FOXN1: variants seen among roughly 807,000 people sequenced by gnomAD.
The protein encoded by FOXN1 is forkhead box protein N1.
A neutral mutation model predicts 49.0 loss-of-function variants in FOXN1; 15 were observed. The observed-to-expected ratio is 0.31, with a 90% confidence interval of 0.20 to 0.47. The LOEUF is 0.47. Among genes scored for constraint, FOXN1 ranks in the 20% least tolerant of loss-of-function variants. FOXN1 has a pLI of 1.00. For missense variants in FOXN1, 800 were observed against 842.8 expected, an observed-to-expected ratio of 0.95 and a Z score of 0.63; for synonymous variants, 356 against 369.0, an observed-to-expected ratio of 0.96 and a Z score of 0.40.
At chr17:28,532,190 C>T (rs988588527) in intron 6 of FOXN1, among the ~76,000 whole-genome samples, 1 of 152,166 alleles carries the variant, frequency 6.6e-6, no homozygotes, top group Non-Finnish European at 1.5e-5. Flanking sequence ...CGCATCTCAT[C>T]TTCCTGGCTT....
In FOXN1 at chr17:28,530,720, G is replaced by T. The variant is rs118009648; in HGVS notation, c.831-29G>T. 35,307 of 1,336,386 alleles carry T rather than the reference G, an allele frequency of 0.026. 582 individuals are homozygous for T. The highest frequency in any genetic ancestry group is 0.034 in the Middle Eastern group (181 of 5,392). 82.8% of individuals were successfully genotyped at this position (1,336,386 alleles called of 1,614,324 possible). ...GGGCTCAGGACCCAGTCAGAGGTTCGGACTCTCAGGGGCTTTCTCTTTCTT... is the reference window on the plus strand; with the variant it reads ...GGGCTCAGGACCCAGTCAGAGGTTCTGACTCTCAGGGGCTTTCTCTTTCTT... On this transcript the variant is annotated intron_variant, in intron 5 of 8. Transcript: ENST00000579795.
At chr17:28,522,229 A>G (rs1054648346) in intron 1 of FOXN1, among the ~76,000 whole-genome samples, 6 of 152,236 alleles carry the variant, frequency 3.9e-5, no homozygotes, top group African/African-American at 1.2e-4. Flanking sequence ...TTGTTCACAC[A>G]GTGGCCAGCC....
At position 28,538,607 on chromosome 17, in the gene FOXN1, C is replaced by T. The variant is rs1305011800; in HGVS notation, c.*1171C>T. On this transcript the variant is annotated 3_prime_UTR_variant, in exon 9 of 9. Transcript: ENST00000579795. ...CAACCTGGGCATTCAGGAGAAAAGC[C>T]TGGCACAGGGTGACAGGGAAGCACC... is the stretch of plus-strand genomic sequence containing the variant. 1 of 152,220 alleles carries T rather than the reference C, an allele frequency of 6.6e-6. No homozygotes were observed. Among genetic ancestry groups the T allele is most frequent in the Admixed American group, 6.5e-5 (1 of 15,286 alleles). 9.4% of individuals were successfully genotyped at this position (152,220 alleles called of 1,614,324 possible).
intron 3 of FOXN1, among the ~76,000 whole-genome samples, chr17:28,525,666 C>T (rs1007850800): frequency 5.3e-5 from 8 of 152,260 alleles, no homozygotes; most frequent in Admixed American, 1.3e-4. Flanking sequence ...GTCCCTGAGG[C>T]AGTGACTGAG....
Position 28,535,345 on chromosome 17 carries a change from G to A in FOXN1, c.1627+147G>A, listed in dbSNP as rs537641290. 1.5e-5 allele frequency: 12 copies of A among 819,962 alleles called. No homozygotes were observed. In the East Asian group the frequency reaches 2.9e-4, roughly 20 times the overall value. The allele number at this position is 819,962 out of a possible 1,614,324, so 50.8% of individuals were successfully genotyped here. A position where few individuals can be genotyped will look rare whatever the true frequency, so the allele number is the denominator to read the frequency against. On this transcript the variant is annotated intron_variant, in intron 8 of 8. Coordinates refer to ENST00000579795, the MANE Select transcript of FOXN1 (RefSeq NM_001369369.1). The stretch of plus-strand genomic sequence containing the variant: ...AAGCAGAGGAGGCTGGACCTGGCAG[G>A]GGGAGCTTCCCACTTGCTCTCTGCC...
rs779732404 is a variant in FOXN1 at position 28,529,180 on chromosome 17, C to A, written c.786C>A (p.Thr262=). ...QYQRMAPQAS[T]DGHQPLFPKP... ...AGCGAATGGCACCCCAGGCCAGCAC[C>A]GATGGGCACCAGCCTCTCTTCCCAA... The change falls in exon 5 of 9, where the codon ACC becomes ACA. Residue 262 remains threonine (T), a synonymous_variant. Transcript: ENST00000579795. The A allele has an allele frequency of 6.2e-7, 1 of 1,614,040 alleles. No individual in the cohort carries two copies. The highest frequency in any genetic ancestry group is 8.5e-7 in the Non-Finnish European group (1 of 1,180,012).
rs983450474 is a variant in FOXN1 at position 28,534,821 on chromosome 17, C to T, written c.1250C>T (p.Ala417Val). The part of the protein sequence containing the change: ...SGPIRPLAPP[A>V]GLSPPLHSLH... ...CCCATCCGGCCCCTGGCACCCCCAGCTGGCCTCTCCCCACCACTGCACTCA... is the reference window on the plus strand; with the variant it reads ...CCCATCCGGCCCCTGGCACCCCCAGTTGGCCTCTCCCCACCACTGCACTCA... Residue 417 changes from alanine to valine, a missense_variant, in exon 8 of 9, where the codon GCT (alanine) becomes GTT (valine). Coordinates refer to ENST00000579795, the MANE Select transcript of FOXN1 (RefSeq NM_001369369.1). This position sits in a 1 kb window ranked among gnomAD's most constrained non-coding sequence, Gnocchi z 4.1. The T allele has an allele frequency of 6.2e-7, 1 of 1,613,940 alleles. No individual in the cohort carries two copies. Among genetic ancestry groups the T allele is most frequent in the Non-Finnish European group, 8.5e-7 (1 of 1,179,862 alleles).
At chr17:28,513,404 AAC>A (rs1289356283) in intron 1 of FOXN1, among the ~76,000 whole-genome samples, 1 of 152,234 alleles carries the variant, frequency 6.6e-6, no homozygotes, top group Non-Finnish European at 1.5e-5. Context: ...AAAAAAATAA[AAC>A]ATTCATCTAT....
intron 1 of FOXN1, among the ~76,000 whole-genome samples, chr17:28,517,064 C>T (rs1406788200): frequency 1.7e-5 from 1 of 59,428 alleles, no homozygotes; most frequent in Admixed American, 1.4e-4. Context: ...ACAGGATCCA[C>T]ACCTCCACAG....
intron 5 of FOXN1, 34 bp from the exon 6 acceptor site, chr17:28,530,715 G>T (rs752571655): frequency 1.6e-6 from 2 of 1,254,476 alleles, no homozygotes; most frequent in Non-Finnish European, 1.2e-6. Context: ...CCCAGTCAGA[G>T]GTTCGGACTC....
intron 6 of FOXN1, among the ~76,000 whole-genome samples, chr17:28,533,587 C>T (rs2069972861): frequency 1.3e-5 from 2 of 151,702 alleles, no homozygotes; most frequent in Non-Finnish European, 2.9e-5. Flanking sequence ...CATGGCTACC[C>T]ACAGTCACAC....
rs768979426 is a variant in FOXN1, at chr17:28,537,158, G to A, written c.1669G>A (p.Asp557Asn). ...EQLKDDSLAL[D>N]PLVLVTSSPT... Reference sequence around the variant, plus strand: ...GTTGAAGGATGATAGCTTGGCCCTCGACCCCCTGGTACTGGTGACCTCATC... The same window carrying A: ...GTTGAAGGATGATAGCTTGGCCCTCAACCCCCTGGTACTGGTGACCTCATC... Residue 557 changes from aspartate (D) to asparagine (N), a missense_variant, in exon 9 of 9, where the codon GAC (aspartate) becomes AAC (asparagine). Coordinates refer to ENST00000579795, the MANE Select transcript of FOXN1 (RefSeq NM_001369369.1). The A allele has an allele frequency of 1.7e-5, 28 of 1,613,892 alleles. No homozygotes were observed. Among genetic ancestry groups the A allele is most frequent in the Middle Eastern group, 1.6e-4 (1 of 6,082 alleles).
chr17:28,507,818 G>A (rs149564760), intron 1 of FOXN1, among the ~76,000 whole-genome samples: 2 of 152,310 alleles, frequency 1.3e-5, no homozygotes, highest in East Asian at 3.9e-4. Flanking sequence ...CACCCCGAGT[G>A]GATGGGGGAA....
intron 1 of FOXN1, among the ~76,000 whole-genome samples, chr17:28,516,612 C>T (rs545707568): frequency 5.7e-4 from 86 of 150,218 alleles, no homozygotes; most frequent in Non-Finnish European, 7.3e-4. Context: ...TACACACCTC[C>T]GCAGGATCCA....
intron 4 of FOXN1, among the ~76,000 whole-genome samples, chr17:28,527,954 G>A (rs901320753): frequency 9.9e-5 from 15 of 152,228 alleles, no homozygotes; most frequent in African/African-American, 3.6e-4. Flanking sequence ...GGCATGGGAT[G>A]GAGGAGTTTT....
intron 6 of FOXN1, among the ~76,000 whole-genome samples, chr17:28,531,113 A>G (rs2069902654): frequency 1.3e-5 from 2 of 152,220 alleles, no homozygotes; most frequent in Non-Finnish European, 2.9e-5. Flanking sequence ...AAGGTGGGCA[A>G]GGTAGCACCG....
intron 3 of FOXN1, among the ~76,000 whole-genome samples, chr17:28,525,330 G>T (rs1489568920): frequency 6.6e-6 from 1 of 152,218 alleles, no homozygotes; most frequent in Middle Eastern, 3.2e-3. Flanking sequence ...AAGGGAAAGG[G>T]TTTGGGGAGG....
rs896876428 is a variant in FOXN1, at chr17:28,508,332, G to A, written c.-15+1889G>A. Among the ~76,000 whole-genome samples, 8 of 152,216 alleles carry A rather than the reference G, an allele frequency of 5.3e-5. No individual in the cohort carries two copies. In the South Asian group the frequency reaches 1.7e-3, roughly 31 times the overall value. On this transcript the variant is annotated intron_variant, in intron 1 of 8. Coordinates refer to ENST00000579795, the MANE Select transcript of FOXN1 (RefSeq NM_001369369.1). Reference sequence around the variant, plus strand: ...CCAACAGCCGTCTTCACCGTGAGAAGGCTTCATCGCGAGAAGGCTTAGGAA... The same window carrying A: ...CCAACAGCCGTCTTCACCGTGAGAAAGCTTCATCGCGAGAAGGCTTAGGAA...
intron 1 of FOXN1, among the ~76,000 whole-genome samples, chr17:28,507,878 G>T (rs1555606359): frequency 6.6e-6 from 1 of 152,224 alleles, no homozygotes; most frequent in African/African-American, 2.4e-5. Context: ...TCTGTGAGGG[G>T]TCCAGGGTGA....
Sources: gnomAD v4.1 joint callset for allele counts (sites outside exome capture counted in the v4.1 genomes callset) on GRCh38, gnomAD v4.1.1 for gene constraint, Gnocchi (gnomAD v3.1) non-coding constraint, MANE v1.5 for transcripts, NCBI Gene and HGNC (gene_info 2026-07-23, HGNC 2026-07-21) for gene names.